MAGI1: variants seen among roughly 807,000 people sequenced by gnomAD.
MAGI1 encodes membrane associated guanylate kinase, WW and PDZ domain containing 1, also known as membrane-associated guanylate kinase, WW and PDZ domain-containing protein 1.
Under a neutral mutation model 139.9 loss-of-function variants are expected in MAGI1, and 58 were observed. That is an observed-to-expected ratio of 0.41 (90% CI 0.34 to 0.52). The LOEUF (loss-of-function observed/expected upper bound fraction) is 0.52, where lower values mean the gene tolerates loss of function less well. Among genes scored for constraint, MAGI1 ranks in the 20% least tolerant of loss-of-function variants. The pLI is 0.12. For missense variants in MAGI1, 1,874 were observed against 1,901.6 expected, an observed-to-expected ratio of 0.99 and a Z score of 0.27; for synonymous variants, 812 against 737.9, an observed-to-expected ratio of 1.10 and a Z score of -1.63.
intron 1 of MAGI1, among the ~76,000 whole-genome samples, chr3:65,709,393 T>C (rs1200596609): frequency 6.6e-6 from 1 of 152,212 alleles, no homozygotes; most frequent in Non-Finnish European, 1.5e-5. Flanking sequence ...AAGCTGTCTT[T>C]TGTCAAGTCT....
At chr3:65,979,439 C>T (rs1434174482) in intron 1 of MAGI1, among the ~76,000 whole-genome samples, 1 of 152,128 alleles carries the variant, frequency 6.6e-6, no homozygotes. Flanking sequence ...CAGGGAAGTG[C>T]TATTTTTCTT....
At chr3:65,368,157 C>G (rs1483902968) in intron 18 of MAGI1, among the ~76,000 whole-genome samples, 6 of 152,048 alleles carry the variant, frequency 3.9e-5, no homozygotes, top group African/African-American at 1.4e-4. Flanking sequence ...TGACTACTTA[C>G]GGTGGAAAAA....
chr3:65,584,004 T>C (rs751799158), intron 2 of MAGI1, among the ~76,000 whole-genome samples: 1 of 138,414 alleles, frequency 7.2e-6, no homozygotes, highest in Non-Finnish European at 1.5e-5. Context: ...AATAAAATAA[T>C]AATTAACACA....
At chr3:65,857,787 G>A (rs890567930) in intron 1 of MAGI1, among the ~76,000 whole-genome samples, 2 of 152,156 alleles carry the variant, frequency 1.3e-5, no homozygotes, top group Non-Finnish European at 1.5e-5. Context: ...GACACAGAAG[G>A]GCCTGCTTTA....
chr3:65,866,399 CA>C (rs1446089335), intron 1 of MAGI1, among the ~76,000 whole-genome samples: 4 of 148,522 alleles, frequency 2.7e-5, no homozygotes, highest in African/African-American at 5.0e-5. Context: ...GGAAAAAAAG[CA>C]GTAACAGAAA....
At chr3:65,699,306 G>C (rs1453720783) in intron 1 of MAGI1, among the ~76,000 whole-genome samples, 1 of 140,894 alleles carries the variant, frequency 7.1e-6, no homozygotes, top group Non-Finnish European at 1.5e-5. Context: ...AACCATTGTG[G>C]AAGTCAGTGT....
chr3:65,737,629 G>A (rs575124184), intron 1 of MAGI1, among the ~76,000 whole-genome samples: 3 of 152,218 alleles, frequency 2.0e-5, no homozygotes, highest in Admixed American at 1.3e-4. Flanking sequence ...TATGGTGCCC[G>A]GTTTTCCAAT....
chr3:65,409,877 G>C (rs1164596932), intron 12 of MAGI1, among the ~76,000 whole-genome samples: 1 of 152,164 alleles, frequency 6.6e-6, no homozygotes, highest in Non-Finnish European at 1.5e-5. Context: ...AGTGTCAGCT[G>C]GCATTTTGTG....
At chr3:65,871,579 G>A (rs1194708194) in intron 1 of MAGI1, among the ~76,000 whole-genome samples, 1 of 152,210 alleles carries the variant, frequency 6.6e-6, no homozygotes, top group Non-Finnish European at 1.5e-5. Context: ...GTCAAGAGCT[G>A]GCATGAGGCC....
intron 1 of MAGI1, among the ~76,000 whole-genome samples, chr3:65,673,101 G>A (rs1440484447): frequency 1.3e-5 from 2 of 152,140 alleles, no homozygotes; most frequent in Admixed American, 6.5e-5. Context: ...TTGCACTTGT[G>A]CCTGGGCTTG....
Position 65,403,563 on chromosome 3 carries a change from C to T in MAGI1, c.2168-2093G>A, listed in dbSNP as rs1481119619. ...TTTAAATTCATATTTTCTCCTAATT[C>T]AGAGAGACCTTCTTAGTTAATTGGA... On this transcript the variant is annotated intron_variant, in intron 12 of 22. Transcript: ENST00000402939. Among the ~76,000 whole-genome samples, 3 of 152,088 alleles carry T rather than the reference C, an allele frequency of 2.0e-5. No individual in the cohort carries two copies. In the East Asian group the frequency reaches 5.8e-4, roughly 29 times the overall value.
At chr3:65,534,898 G>C (rs533947825) in intron 2 of MAGI1, among the ~76,000 whole-genome samples, 1 of 152,310 alleles carries the variant, frequency 6.6e-6, no homozygotes, top group Admixed American at 6.5e-5. Context: ...GGGTGAGTTT[G>C]TTCAACCCCA....
chr3:65,377,212 G>A (rs1477631616), intron 17 of MAGI1, among the ~76,000 whole-genome samples: 1 of 152,094 alleles, frequency 6.6e-6, no homozygotes, highest in East Asian at 1.9e-4. Flanking sequence ...TCACAGAATG[G>A]AACACCAAGG....
rs138250375 is a variant in MAGI1 at position 65,595,701 on chromosome 3, C to G, written c.430+26271G>C. ...GCACAAACACAACAAATCCAAACAC[C>G]AAACCTCAAGCATCTTTTTAAACAC... On this transcript the variant is annotated intron_variant, in intron 2 of 22. Transcript: ENST00000402939. 1.2e-3 allele frequency among the ~76,000 whole-genome samples: 182 copies of G among 152,088 alleles called. 1 individual carries two copies. The highest frequency in any genetic ancestry group is 6.8e-3 in the Middle Eastern group (2 of 294).
intron 2 of MAGI1, among the ~76,000 whole-genome samples, chr3:65,586,794 C>T (rs949990178): frequency 6.6e-6 from 1 of 151,444 alleles, no homozygotes; most frequent in African/African-American, 2.4e-5. Context: ...CACCTTCTCA[C>T]TAGTTGGCAA....
intron 1 of MAGI1, among the ~76,000 whole-genome samples, chr3:65,929,282 T>C (rs1281743315): frequency 6.6e-6 from 1 of 152,172 alleles, no homozygotes; most frequent in Non-Finnish European, 1.5e-5. Flanking sequence ...TCAAATTCAT[T>C]TCATATGTAG....
At chr3:65,499,599 G>A (rs1441093249) in intron 2 of MAGI1, among the ~76,000 whole-genome samples, 1 of 152,060 alleles carries the variant, frequency 6.6e-6, no homozygotes. Flanking sequence ...CTCCAGCCTG[G>A]GCGACAGACT....
intron 12 of MAGI1, among the ~76,000 whole-genome samples, chr3:65,425,108 TAAAAAAA>T (rs72030632): frequency 1.2e-4 from 8 of 66,582 alleles, no homozygotes; most frequent in Non-Finnish European, 2.4e-4. Flanking sequence ...GTAGAACTTC[TAAAAAAA>T]AAAAAAAAAA....
At chr3:65,983,138 T>G (rs2065676849) in intron 1 of MAGI1, among the ~76,000 whole-genome samples, 1 of 152,062 alleles carries the variant, frequency 6.6e-6, no homozygotes, top group Non-Finnish European at 1.5e-5. Flanking sequence ...GCTGGGAAAA[T>G]GAATATTTTA....
Sources: allele counts gnomAD v4.1 joint callset (sites outside exome capture counted in the v4.1 genomes callset), GRCh38; gene constraint gnomAD v4.1.1; transcripts MANE v1.5; gene names NCBI Gene and HGNC (gene_info 2026-07-23, HGNC 2026-07-21).